The following FRMD4A variants were observed in gnomAD, a reference collection of about 807,000 sequenced individuals.
FRMD4A encodes the protein FERM domain-containing protein 4A.
A neutral mutation model predicts 129.1 loss-of-function variants in FRMD4A; 29 were observed. That is an observed-to-expected ratio of 0.22 (90% CI 0.17 to 0.31). FRMD4A has a LOEUF of 0.31. FRMD4A is among the 10% of genes least tolerant of loss of function. The pLI is 1.00. For synonymous variants in FRMD4A, 634 were observed against 571.6 expected (o/e 1.11, Z -1.56); for missense variants, 1,272 against 1,375.8 (o/e 0.92, Z 1.19).
chr10:13,920,594 C>A (rs2095060064), intron 2 of FRMD4A, among the ~76,000 whole-genome samples: 1 of 152,214 alleles, frequency 6.6e-6, no homozygotes, highest in African/African-American at 2.4e-5. Context: ...TTCCACCACA[C>A]ACTTATAGGT....
At chr10:13,699,052 A>T (rs1441198998) in intron 14 of FRMD4A, among the ~76,000 whole-genome samples, 7 of 112,532 alleles carry the variant, frequency 6.2e-5, no homozygotes, top group Admixed American at 2.2e-4. Flanking sequence ...ATCTACAATA[A>T]TCTTTTTTTT....
chr10:14,013,055 C>T (rs2095687398), intron 2 of FRMD4A, among the ~76,000 whole-genome samples: 1 of 152,070 alleles, frequency 6.6e-6, no homozygotes, highest in Non-Finnish European at 1.5e-5. Flanking sequence ...CCATGAGCCC[C>T]AGCAGAAGGG....
At chr10:14,084,281 G>A (rs1255209208) in intron 2 of FRMD4A, among the ~76,000 whole-genome samples, 2 of 152,098 alleles carry the variant, frequency 1.3e-5, no homozygotes, top group Non-Finnish European at 2.9e-5. Context: ...TGAGTAGCTG[G>A]GATTACAGGC....
intron 2 of FRMD4A, among the ~76,000 whole-genome samples, chr10:14,166,259 G>A (rs901412842): frequency 6.6e-6 from 1 of 150,560 alleles, no homozygotes. Context: ...ATGACTATTA[G>A]AACAATTCTT....
intron 2 of FRMD4A, among the ~76,000 whole-genome samples, chr10:14,299,557 G>A (rs190589595): frequency 6.6e-6 from 1 of 152,140 alleles, no homozygotes; most frequent in Non-Finnish European, 1.5e-5. Context: ...AACAAACGTG[G>A]GAGCCAGAAT....
chr10:14,052,327 A>G (rs1386686686), intron 2 of FRMD4A, among the ~76,000 whole-genome samples: 1 of 152,230 alleles, frequency 6.6e-6, no homozygotes, highest in Non-Finnish European at 1.5e-5. Flanking sequence ...TCATACACAC[A>G]GCTGTATCTG....
chr10:13,831,524 A>C (rs985274230), intron 3 of FRMD4A, among the ~76,000 whole-genome samples: 1 of 152,220 alleles, frequency 6.6e-6, no homozygotes, highest in South Asian at 2.1e-4. Context: ...TTGGACTGGC[A>C]TTAAGGTTTT....
At chr10:13,920,100 G>A (rs778551260) in intron 2 of FRMD4A, among the ~76,000 whole-genome samples, 1 of 152,164 alleles carries the variant, frequency 6.6e-6, no homozygotes, top group Non-Finnish European at 1.5e-5. Context: ...CTTAGAAGGG[G>A]AGCAAGATTT....
chr10:14,008,593 G>A (rs896961402), intron 2 of FRMD4A: 1 of 780,014 alleles, frequency 1.3e-6, no homozygotes, highest in Non-Finnish European at 1.6e-6. Flanking sequence ...ATTCCATCAC[G>A]TGACTCCCAA....
intron 2 of FRMD4A, among the ~76,000 whole-genome samples, chr10:14,111,043 T>C (rs539597796): frequency 2.0e-5 from 3 of 152,320 alleles, no homozygotes; most frequent in African/African-American, 7.2e-5. Context: ...ATTTTTAAGT[T>C]CAGTAGTGTC....
intron 2 of FRMD4A, among the ~76,000 whole-genome samples, chr10:14,061,306 T>G (rs1834802171): frequency 6.6e-6 from 1 of 151,946 alleles, no homozygotes; most frequent in South Asian, 2.1e-4. Flanking sequence ...ACAAAAATTA[T>G]CCAGGTGTGG....
intron 2 of FRMD4A, among the ~76,000 whole-genome samples, chr10:14,137,805 T>C (rs1051148292): frequency 3.9e-5 from 6 of 152,178 alleles, no homozygotes; most frequent in African/African-American, 1.4e-4. Context: ...TAATTTTAAT[T>C]CTAGCTAAAA....
At chr10:13,656,604 C>T (rs180995308) in intron 22 of FRMD4A, 32 bp downstream of exon 22, 63 of 1,369,032 alleles carry the variant, frequency 4.6e-5, no homozygotes, top group African/African-American at 1.5e-4. Flanking sequence ...GCCCTCAGGT[C>T]TTCCCGCGTG....
intron 8 of FRMD4A, among the ~76,000 whole-genome samples, chr10:13,749,527 T>C (rs1387491264): frequency 6.6e-6 from 1 of 151,988 alleles, no homozygotes; most frequent in East Asian, 1.9e-4. Context: ...CGGCGAGAAA[T>C]ACAGCCAAGG....
intron 2 of FRMD4A, among the ~76,000 whole-genome samples, chr10:14,184,795 G>C (rs1247460254): frequency 6.6e-6 from 1 of 152,092 alleles, no homozygotes; most frequent in African/African-American, 2.4e-5. Context: ...GAATAAAGGC[G>C]CATTTTCTTA....
intron 2 of FRMD4A, among the ~76,000 whole-genome samples, chr10:14,103,360 C>G (rs1243324385): frequency 6.6e-6 from 1 of 152,168 alleles, no homozygotes; most frequent in Non-Finnish European, 1.5e-5. Context: ...GGGTAACCTT[C>G]TCTCTCTTTT....
At chr10:14,283,367 G>C (rs1845584019) in intron 2 of FRMD4A, among the ~76,000 whole-genome samples, 1 of 152,162 alleles carries the variant, frequency 6.6e-6, no homozygotes, top group Non-Finnish European at 1.5e-5. Flanking sequence ...TCACTGAAAA[G>C]ACAGCAAAAT....
intron 15 of FRMD4A, among the ~76,000 whole-genome samples, chr10:13,688,967 T>C (rs1260903821): frequency 6.6e-6 from 1 of 152,044 alleles, no homozygotes. Context: ...CCTCCCAAAG[T>C]GCTGGGATTA....
At chr10:14,010,517 C>G (rs1409715255) in intron 2 of FRMD4A, among the ~76,000 whole-genome samples, 1 of 152,038 alleles carries the variant, frequency 6.6e-6, no homozygotes, top group Non-Finnish European at 1.5e-5. Flanking sequence ...GATAATGGAG[C>G]CCTCCCCAGT....
Sources: allele counts gnomAD v4.1 joint callset (sites outside exome capture counted in the v4.1 genomes callset), GRCh38; gene constraint gnomAD v4.1.1; transcripts MANE v1.5; gene names NCBI Gene and HGNC (gene_info 2026-07-23, HGNC 2026-07-21).